WNK2: variants seen among roughly 807,000 people sequenced by gnomAD.
The protein encoded by WNK2 is serine/threonine-protein kinase WNK2.
A neutral mutation model predicts 192.1 loss-of-function variants in WNK2; 67 were observed. The observed-to-expected ratio is 0.35, with a 90% CI of 0.29 to 0.43. The LOEUF (loss-of-function observed/expected upper bound fraction) is 0.43. Among genes scored for constraint, WNK2 ranks in the 20% least tolerant of loss-of-function variants. The pLI, the probability that WNK2 is intolerant of heterozygous loss-of-function variation, is 1.00. For missense variants in WNK2, 2,698 were observed against 3,089.7 expected, an observed-to-expected ratio of 0.87 and a Z score of 3.01; for synonymous variants, 1,439 against 1,393.9, an observed-to-expected ratio of 1.03 and a Z score of -0.72.
chr9:93,285,800 A>G (rs1285611868), intron 19 of WNK2, among the ~76,000 whole-genome samples: 3 of 152,226 alleles, frequency 2.0e-5, no homozygotes, highest in Admixed American at 6.5e-5. Flanking sequence ...ATAAACCTGG[A>G]GTCACAGAGA....
At chr9:93,261,282 C>T (rs1844187800) in intron 12 of WNK2, among the ~76,000 whole-genome samples, 1 of 152,236 alleles carries the variant, frequency 6.6e-6, no homozygotes, top group Non-Finnish European at 1.5e-5. Context: ...AGGGTACTTG[C>T]ACTTTCCAAT....
intron 20 of WNK2, 103 bp downstream of exon 20, chr9:93,289,723 T>G (rs1292194525): frequency 2.5e-6 from 3 of 1,199,688 alleles, no homozygotes; most frequent in Non-Finnish European, 3.4e-6. Context: ...AGAGCCGCCC[T>G]CACTCAGGGC....
chr9:93,204,597 A>T (rs1287932085), intron 2 of WNK2, among the ~76,000 whole-genome samples: 1 of 152,180 alleles, frequency 6.6e-6, no homozygotes, highest in Non-Finnish European at 1.5e-5. Flanking sequence ...ACTGAGGGGC[A>T]GGGGTGGGGA....
chr9:93,211,099 C>G (rs1054544624), intron 2 of WNK2, among the ~76,000 whole-genome samples: 124 of 151,960 alleles, frequency 8.2e-4, no homozygotes, highest in South Asian at 1.7e-3. Context: ...CTCATTCACT[C>G]ACTCATCCAC....
At chr9:93,250,825 C>T (rs1842497414) in intron 8 of WNK2, among the ~76,000 whole-genome samples, 2 of 142,752 alleles carry the variant, frequency 1.4e-5, no homozygotes, top group Middle Eastern at 3.9e-3. Flanking sequence ...CGCTCTGTCA[C>T]CCAGTCTGGA....
Position 93,263,949 on chromosome 9 carries a change from C to T in WNK2, c.3612C>T (p.Cys1204=). 1 of 1,613,236 alleles carries T rather than the reference C, an allele frequency of 6.2e-7. No individual in the cohort carries two copies. The highest frequency in any genetic ancestry group is 1.6e-4 in the Middle Eastern group (1 of 6,062). The change falls in exon 16 of 30, where the codon TGC becomes TGT. Residue 1204 remains cysteine, a synonymous_variant. Coordinates refer to ENST00000427277, the MANE Select transcript of WNK2 (RefSeq NM_006648.4). ...ACACTGGGGACAAGATGGTGGAGTG[C>T]CAGCTGGAGACGCACAACCACAAGA... ...VCNTGDKMVE[C]QLETHNHKMV...
chr9:93,231,733 G>A (rs779666030), intron 4 of WNK2, among the ~76,000 whole-genome samples: 1 of 152,244 alleles, frequency 6.6e-6, no homozygotes, highest in African/African-American at 2.4e-5. Flanking sequence ...TCAGGCCTCA[G>A]TACAGACGCC....
chr9:93,315,597 T>G (rs1195176598), intron 28 of WNK2: 2 of 152,248 alleles, frequency 1.3e-5, no homozygotes, highest in Admixed American at 6.5e-5. Flanking sequence ...CTTGGCAGAA[T>G]TCACGTTATT....
At chr9:93,222,942 A>G (rs991974231) in intron 2 of WNK2, among the ~76,000 whole-genome samples, 3 of 152,226 alleles carry the variant, frequency 2.0e-5, no homozygotes, top group Non-Finnish European at 4.4e-5. Flanking sequence ...TCGGCCTTCC[A>G]AAGTGCTGGG....
intron 4 of WNK2, among the ~76,000 whole-genome samples, chr9:93,233,758 AC>A (rs1411801916): frequency 6.6e-6 from 1 of 152,102 alleles, no homozygotes; most frequent in Admixed American, 6.6e-5. Flanking sequence ...GGTAAACAAA[AC>A]GTGCTTTTAA....
At chr9:93,298,122 A>G in intron 24 of WNK2, 55 bp downstream of exon 24, 1 of 1,532,486 alleles carries the variant, frequency 6.5e-7, no homozygotes, top group Admixed American at 2.0e-5. Context: ...CCCCCGAGTG[A>G]GCCTGGGAGG....
chr9:93,302,187 C>T (rs903892959), intron 26 of WNK2, among the ~76,000 whole-genome samples: 9 of 152,202 alleles, frequency 5.9e-5, no homozygotes, highest in African/African-American at 2.2e-4. Flanking sequence ...CCAAGCACCT[C>T]CAGGGGAAAG....
intron 19 of WNK2, among the ~76,000 whole-genome samples, chr9:93,286,968 A>T (rs1848529325): frequency 6.6e-6 from 1 of 152,240 alleles, no homozygotes; most frequent in Non-Finnish European, 1.5e-5. Context: ...AGTCAAAAAC[A>T]GTCAAAGCAG....
Position 93,257,663 on chromosome 9 carries a change from TC to T in WNK2, c.2382+525del, listed in dbSNP as rs918576800. On this transcript the variant is annotated intron_variant, in intron 11 of 29. Transcript: ENST00000427277. The surrounding 1 kb of genome is among the most constrained non-coding windows in gnomAD (Gnocchi z 4.7). ...AGGTAGGTTTGCCTCAGAGGAGCGT[TC>T]TTCCTGTGGAGCTCCTCCAGGGCCG... Among the ~76,000 whole-genome samples, 3 of 152,242 alleles carry T rather than the reference TC, an allele frequency of 2.0e-5. No homozygotes were observed. The highest frequency in any genetic ancestry group is 7.2e-5 in the African/African-American group (3 of 41,466).
Position 93,259,359 on chromosome 9 carries a change from C to T in WNK2, c.2811C>T (p.Ala937=), listed in dbSNP as rs759923584. Residue 937 remains alanine, a synonymous_variant, in exon 12 of 30, where the codon GCC becomes GCT. Coordinates refer to ENST00000427277, the MANE Select transcript of WNK2 (RefSeq NM_006648.4). This position sits in a 1 kb window ranked among gnomAD's most constrained non-coding sequence, Gnocchi z 4.8. ...ATCACACGGTGCAGAATATGAGGGC[C>T]ACCCCTCCACAGCCGGCACTGCCTC... ...SPHHTVQNMR[A]TPPQPALPPQ... is the part of the protein sequence containing the mutation. The T allele has an allele frequency of 6.2e-7, 1 of 1,612,526 alleles. No homozygotes were observed. Among genetic ancestry groups the T allele is most frequent in the South Asian group, 1.1e-5 (1 of 90,934 alleles).
rs1223601569 is a variant in WNK2 at position 93,299,118 on chromosome 9, A to C, written c.5972A>C (p.Gln1991Pro). ...SRGPPAKDPA[Q>P]ASVGLTADST... ...GGCCCTCCCGCTAAGGACCCTGCCCAAGCCAGTGTGGGGCTCACTGCAGAC... is the reference window on the plus strand; with the variant it reads ...GGCCCTCCCGCTAAGGACCCTGCCCCAGCCAGTGTGGGGCTCACTGCAGAC... Residue 1991 changes from glutamine to proline, a missense_variant, in exon 25 of 30, where the codon CAA becomes CCA. Physicochemically the swap from Gln to Pro is moderately conservative, Grantham distance 76 (BLOSUM62 -1). Coordinates refer to ENST00000427277, the MANE Select transcript of WNK2 (RefSeq NM_006648.4). 13 of 1,611,736 alleles carry C rather than the reference A, an allele frequency of 8.1e-6. No homozygotes were observed. The Admixed American group carries it at 2.2e-4, about 27-fold the overall frequency.
chr9:93,199,117 A>G (rs1289274929), intron 2 of WNK2, among the ~76,000 whole-genome samples: 1 of 152,088 alleles, frequency 6.6e-6, no homozygotes, highest in Admixed American at 6.6e-5. Flanking sequence ...GAGACGTGTG[A>G]GCAAGTCCCC....
chr9:93,295,226 G>T (rs766960191), intron 23 of WNK2, among the ~76,000 whole-genome samples: 11 of 152,094 alleles, frequency 7.2e-5, no homozygotes, highest in Admixed American at 7.2e-4. Context: ...ATGTGGGTGC[G>T]GCCTCGGAGC....
intron 29 of WNK2, chr9:93,318,610 G>A: frequency 1.2e-6 from 2 of 1,601,132 alleles, no homozygotes; most frequent in Non-Finnish European, 8.5e-7. Context: ...CCCACCCTGT[G>A]GAGACAAGTG....
Sources: gnomAD v4.1 joint callset for allele counts (sites outside exome capture counted in the v4.1 genomes callset) on GRCh38, gnomAD v4.1.1 for gene constraint, Gnocchi (gnomAD v3.1) non-coding constraint, MANE v1.5 for transcripts, NCBI Gene and HGNC (gene_info 2026-07-23, HGNC 2026-07-21) for gene names.